ZC3H18: variants seen among roughly 807,000 people sequenced by gnomAD.
The protein encoded by ZC3H18 is zinc finger CCCH domain-containing protein 18.
In ZC3H18, 8 loss-of-function variants were observed where a neutral mutation model predicts 106.1. The observed-to-expected ratio is 0.08, with a 90% CI of 0.04 to 0.14. The LOEUF is 0.14. Ranked by LOEUF, ZC3H18 falls within the 10% of genes least tolerant of loss-of-function variation. ZC3H18 has a pLI of 1.00. For synonymous variants in ZC3H18, 635 were observed against 522.1 expected (o/e 1.22, Z -2.95); for missense variants, 1,318 against 1,278.4 (o/e 1.03, Z -0.47).
chr16:88,585,634 AG>A lies in ZC3H18; in HGVS notation c.604-965del, dbSNP rs554285891. On this transcript the variant is annotated intron_variant, in intron 2 of 17. Transcript: ENST00000301011. ...AGTAAGTTGAATAATCAGGAAGAGG[AG>A]AGGGAAGAACGCGGTCAGGCCTGGA... Among the ~76,000 whole-genome samples the A allele has an allele frequency of 2.9e-3, 438 of 152,254 alleles. 1 individual carries two copies. The highest frequency in any genetic ancestry group is 0.012 in the South Asian group (56 of 4,822).
intron 8 of ZC3H18, 56 bp downstream of exon 8, chr16:88,611,592 G>A: frequency 1.3e-6 from 2 of 1,524,656 alleles, no homozygotes; most frequent in Non-Finnish European, 1.8e-6. Context: ...ATGCAGCTCT[G>A]TACCTAGTCC....
At chr16:88,593,869 T>TGTCAG (rs1221453789) in intron 3 of ZC3H18, among the ~76,000 whole-genome samples, 1 of 152,182 alleles carries the variant, frequency 6.6e-6, no homozygotes, top group Non-Finnish European at 1.5e-5. Flanking sequence ...CTTTCTCAGG[T>TGTCAG]GACCATTGCA....
intron 8 of ZC3H18, among the ~76,000 whole-genome samples, chr16:88,615,281 C>T (rs1419459695): frequency 6.8e-6 from 1 of 146,046 alleles, no homozygotes; most frequent in Non-Finnish European, 1.5e-5. Flanking sequence ...CAGGGTTTTG[C>T]TCAGATTCCT....
chr16:88,572,520 C>T (rs1406997766), intron 1 of ZC3H18, among the ~76,000 whole-genome samples: 3 of 151,966 alleles, frequency 2.0e-5, no homozygotes, highest in Non-Finnish European at 2.9e-5. Flanking sequence ...GCAACGGAGA[C>T]GGGACGATGG....
intron 3 of ZC3H18, among the ~76,000 whole-genome samples, chr16:88,596,252 G>T (rs896472644): frequency 6.6e-6 from 1 of 152,106 alleles, no homozygotes; most frequent in Non-Finnish European, 1.5e-5. Flanking sequence ...GATCTTTTTT[G>T]ATAGTAGGTT....
rs1225165429 is a variant in ZC3H18, at chr16:88,624,741, A to G, written c.2038A>G (p.Arg680Gly). 2 of 1,611,410 alleles carry G rather than the reference A, an allele frequency of 1.2e-6. No individual in the cohort carries two copies. The highest frequency in any genetic ancestry group is 1.1e-5 in the South Asian group (1 of 90,930). ...GGAGCGGCCAGCCAGGACCCCCCCC[A>G]GGAGGTGAGCACTCCGGCGTCCGGG... ...RKERPARTPPRRRTLSGSGSG... is the reference protein window; with the variant it reads ...RKERPARTPPGRRTLSGSGSG... The change falls in exon 12 of 18, where the codon AGG becomes GGG. Residue 680 changes from arginine to glycine, a missense_variant. By Grantham distance (125) the Arg-to-Gly change is moderately radical (BLOSUM62 -2). Transcript: ENST00000301011.
At position 88,625,192 on chromosome 16, in the gene ZC3H18, T is replaced by C. The variant is rs1397128992; in HGVS notation, c.2043-10T>C. 1 of 1,578,976 alleles carries C rather than the reference T, an allele frequency of 6.3e-7. No homozygotes were observed. The highest frequency in any genetic ancestry group is 1.2e-5 in the South Asian group (1 of 85,976). Reference sequence around the variant, plus strand: ...ACGCCCCCTGAGCCCCGCTGTTGCTTGTATTACAGGCGGACGCTAAGCGGC... The same window carrying C: ...ACGCCCCCTGAGCCCCGCTGTTGCTCGTATTACAGGCGGACGCTAAGCGGC... On this transcript the variant is annotated splice_polypyrimidine_tract_variant and intron_variant, in intron 12 of 17. Transcript: ENST00000301011.
chr16:88,621,255 C>T (rs559173973), intron 8 of ZC3H18, among the ~76,000 whole-genome samples: 1 of 147,350 alleles, frequency 6.8e-6, no homozygotes, highest in East Asian at 2.0e-4. Flanking sequence ...GACAGAGTCT[C>T]GCTCTGTCGC....
chr16:88,623,625 C>T, intron 10 of ZC3H18: 1 of 574,572 alleles, frequency 1.7e-6, no homozygotes, highest in Non-Finnish European at 3.0e-6. Flanking sequence ...AGGAAGGGGC[C>T]AGACCCAGCC....
chr16:88,596,856 C>G (rs552614449), intron 3 of ZC3H18, among the ~76,000 whole-genome samples: 1 of 152,332 alleles, frequency 6.6e-6, no homozygotes, highest in South Asian at 2.1e-4. Flanking sequence ...GTCAGTTTTT[C>G]TTTAAATCTC....
At chr16:88,581,952 A>C (rs1915158591) in intron 2 of ZC3H18, among the ~76,000 whole-genome samples, 1 of 152,092 alleles carries the variant, frequency 6.6e-6, no homozygotes, top group African/African-American at 2.4e-5. Context: ...TTGACATTTG[A>C]TTAGCAGGCC....
chr16:88,628,988 C>A, intron 16 of ZC3H18, 134 bp downstream of exon 16: 1 of 785,532 alleles, frequency 1.3e-6, no homozygotes, highest in Middle Eastern at 3.8e-4. Flanking sequence ...CAGATGATGC[C>A]TGTCGGTATT....
Position 88,608,941 on chromosome 16 carries a change from C to G in ZC3H18, c.1096C>G (p.Pro366Ala). 3 of 1,611,894 alleles carry G rather than the reference C, an allele frequency of 1.9e-6. No homozygotes were observed. Among genetic ancestry groups the G allele is most frequent in the African/African-American group, 2.7e-5 (2 of 74,934 alleles). The stretch of plus-strand genomic sequence containing the variant: ...TTCATTGGCCCTTTTCAGACTCGAG[C>G]CTTACGCAGACCCTTATTATGACTA... ...PRDVRDTVLE[P>A]YADPYYDYEI... is the part of the protein sequence containing the mutation. The change falls in exon 7 of 18, where the codon CCT becomes GCT. Residue 366 changes from proline to alanine, a missense_variant. Around this residue, in one of 6 missense-constraint regions of ZC3H18, gnomAD observed 848 missense variants for 821.7 expected, o/e 1.03. Coordinates refer to ENST00000301011, the MANE Select transcript of ZC3H18 (RefSeq NM_144604.4).
intron 2 of ZC3H18, among the ~76,000 whole-genome samples, chr16:88,580,461 C>T (rs1348553363): frequency 6.6e-6 from 1 of 152,154 alleles, no homozygotes; most frequent in East Asian, 1.9e-4. Flanking sequence ...CAGCATCAGC[C>T]CTCCACCCTT....
chr16:88,583,286 G>T (rs1422423090), intron 2 of ZC3H18, among the ~76,000 whole-genome samples: 2 of 152,190 alleles, frequency 1.3e-5, no homozygotes, highest in Non-Finnish European at 2.9e-5. Context: ...AAAATCCCCT[G>T]TGTCATTGCT....
intron 6 of ZC3H18, among the ~76,000 whole-genome samples, chr16:88,604,685 C>CA (rs1904924415): frequency 6.6e-6 from 1 of 151,670 alleles, no homozygotes; most frequent in Admixed American, 6.6e-5. Context: ...GACTCCATCT[C>CA]AAAGAAAAAA....
At chr16:88,624,301 C>A in intron 11 of ZC3H18, 1 of 665,866 alleles carries the variant, frequency 1.5e-6, no homozygotes, top group Non-Finnish European at 2.5e-6. Flanking sequence ...GCCCTGGGGA[C>A]ACGGCAGCAG....
intron 8 of ZC3H18, among the ~76,000 whole-genome samples, chr16:88,621,577 C>T (rs763931362): frequency 2.0e-5 from 3 of 151,820 alleles, no homozygotes; most frequent in Non-Finnish European, 4.4e-5. Context: ...AGGCTGGTCT[C>T]GAACTCCTGA....
intron 5 of ZC3H18, among the ~76,000 whole-genome samples, 174 bp downstream of exon 5, chr16:88,598,886 T>A (rs1433342084): frequency 1.6e-4 from 25 of 152,062 alleles, no homozygotes; most frequent in Admixed American, 1.6e-3. Flanking sequence ...GGAGACAGAG[T>A]TTCACTCTTG....
Sources: allele counts gnomAD v4.1 joint callset (sites outside exome capture counted in the v4.1 genomes callset), GRCh38; gene constraint gnomAD v4.1.1; regional missense constraint gnomAD v4.1.1; transcripts MANE v1.5; gene names NCBI Gene and HGNC (gene_info 2026-07-23, HGNC 2026-07-21).